ZNF600: variants seen among roughly 807,000 people sequenced by gnomAD.
ZNF600 encodes zinc finger protein KR-ZNF1.
ZNF600 carries 4 observed loss-of-function variants against 7.3 expected under a neutral mutation model. That is an observed-to-expected ratio of 0.55 (90% CI 0.27 to 1.25). The LOEUF (loss-of-function observed/expected upper bound fraction) is 1.25, where lower values mean the gene tolerates loss of function less well. ZNF600 is among the 50% of genes most tolerant of loss of function. The probability of loss-of-function intolerance (pLI) is 0.12; values close to 1 mark genes in which losing one functional copy is unlikely to be tolerated. For missense variants in ZNF600, 911 were observed against 922.1 expected (o/e 0.99, Z 0.16); for synonymous variants, 290 against 308.9 (o/e 0.94, Z 0.64).
chr19:52,786,786 A>G, exon 1 of ZNF600: 1 of 367,586 alleles, frequency 2.7e-6, no homozygotes, highest in Non-Finnish European at 5.7e-6. Context: ...GTGCGCGCCC[A>G]GGACTGAAGC....
the ZNF600 span, chr19:52,809,796 A>C: frequency 4.0e-6 from 2 of 506,214 alleles, no homozygotes; most frequent in East Asian, 3.4e-5. Context: ...CAGAGCGAAA[A>C]AAAAGGAGCC....
At chr19:52,826,932 A>G in the ZNF600 span, among the ~76,000 whole-genome samples, 2 of 152,112 alleles carry the variant, frequency 1.3e-5, no homozygotes, top group African/African-American at 4.8e-5. Flanking sequence ...TGGCTGTCTC[A>G]TATCTGTTAT....
At chr19:52,779,050 A>C in intron 1 of ZNF600, 143 bp from the exon 4 acceptor site, 1 of 712,238 alleles carries the variant, frequency 1.4e-6, no homozygotes. Flanking sequence ...AGAGATAAGA[A>C]AGTCCCACAG....
chr19:52,830,040 G>A, the ZNF600 span, among the ~76,000 whole-genome samples: 3,432 of 55,892 alleles, frequency 0.061, 131 homozygotes, highest in African/African-American at 0.12. Flanking sequence ...TTGGAAGACC[G>A]CAGTGGGTGG....
chr19:52,810,614 C>G, the ZNF600 span: 2 of 1,472,636 alleles, frequency 1.4e-6, no homozygotes, highest in South Asian at 1.1e-5. Context: ...TACAGCAGTT[C>G]CTGCTCTCCA....
chr19:52,779,401 G>A (rs1600393459), intron 1 of ZNF600, among the ~76,000 whole-genome samples: 1 of 152,220 alleles, frequency 6.6e-6, no homozygotes, highest in Non-Finnish European at 1.5e-5. Context: ...AATGCCTCTA[G>A]ACTCTAATGT....
At chr19:52,769,050 T>C (rs1203823491) in intron 3 of ZNF600, among the ~76,000 whole-genome samples, 1 of 152,196 alleles carries the variant, frequency 6.6e-6, no homozygotes, top group Admixed American at 6.5e-5. Context: ...AGAGGACTCC[T>C]TGGTCTGGCA....
At chr19:52,818,981 T>C in the ZNF600 span, among the ~76,000 whole-genome samples, 1 of 138,448 alleles carries the variant, frequency 7.2e-6, no homozygotes, top group Non-Finnish European at 1.5e-5. Context: ...AGAGGGAACT[T>C]CAGATGGGGG....
chr19:52,821,221 G>T, the ZNF600 span, among the ~76,000 whole-genome samples: 1 of 152,128 alleles, frequency 6.6e-6, no homozygotes, highest in Non-Finnish European at 1.5e-5. Context: ...GGGTCGCCGC[G>T]CTGTGCTCCA....
chr19:52,793,265 CAT>C, the ZNF600 span, among the ~76,000 whole-genome samples: 8 of 152,238 alleles, frequency 5.3e-5, no homozygotes, highest in South Asian at 1.0e-3. Context: ...ACCTTGGGCA[CAT>C]GTCATCAGGA....
At chr19:52,798,995 G>T in the ZNF600 span, 1 of 943,706 alleles carries the variant, frequency 1.1e-6, no homozygotes, top group Non-Finnish European at 1.6e-6. Context: ...ACTCCCAAAA[G>T]CCTTGTTACA....
At chr19:52,808,062 C>T in the ZNF600 span, 3 of 1,613,468 alleles carry the variant, frequency 1.9e-6, no homozygotes, top group Admixed American at 1.7e-5. Flanking sequence ...AAAGAGTCCT[C>T]TGAGCAGGGT....
chr19:52,828,067 T>C, the ZNF600 span, among the ~76,000 whole-genome samples: 4 of 152,182 alleles, frequency 2.6e-5, no homozygotes, highest in African/African-American at 9.6e-5. Context: ...TTTTTATTTT[T>C]TTGAGACAAA....
At chr19:52,766,206 C>G in exon 4 of ZNF600, 1 of 1,613,472 alleles carries the variant, frequency 6.2e-7, no homozygotes, top group South Asian at 1.1e-5. Flanking sequence ...ATGAACTCTG[C>G]GATGGCTTGC....
In ZNF600 at chr19:52,767,178, TCA is replaced by T. The variant is rs753137690; in HGVS notation, c.783_784del (p.Cys261Ter). Reference sequence around the variant, plus strand: ...GTGATTAAAGAGCTTGCCACATACATCACATTTATATTGTTTGTCTCCTAAAT... The same window carrying T: ...GTGATTAAAGAGCTTGCCACATACATCATTTATATTGTTTGTCTCCTAAAT... On this transcript the variant is annotated stop_gained and frameshift_variant, in exon 4 of 4. Coordinates refer to ENST00000648973, the Ensembl canonical transcript of ZNF600. LOFTEE classifies it low-confidence loss of function (END_TRUNC). The T allele has an allele frequency of 1.2e-6, 2 of 1,614,178 alleles. No individual in the cohort carries two copies. The highest frequency in any genetic ancestry group is 8.5e-7 in the Non-Finnish European group (1 of 1,180,014).
chr19:52,790,937 TC>T (rs1333877704), upstream of ZNF600, among the ~76,000 whole-genome samples: 1 of 151,952 alleles, frequency 6.6e-6, no homozygotes, highest in Non-Finnish European at 1.5e-5. Context: ...CACCTTGGAC[TC>T]CCAAAATGCT....
At chr19:52,764,518 CT>C (rs765918553), downstream of ZNF600, 2,936 of 126,532 alleles carry the variant, frequency 0.023, 68 homozygotes, top group African/African-American at 0.067. Context: ...CTTTGATATC[CT>C]TTTTTTTTTT....
chr19:52,809,837 C>CGGTGGCGGT, the ZNF600 span: 169 of 554,008 alleles, frequency 3.1e-4, no homozygotes, highest in African/African-American at 9.3e-4. Flanking sequence ...GCGGCGGCGG[C>CGGTGGCGGT]GGTGGCGGTG....
chr19:52,796,005 T>C, the ZNF600 span, among the ~76,000 whole-genome samples: 22 of 152,070 alleles, frequency 1.4e-4, no homozygotes, highest in Non-Finnish European at 2.2e-4. Flanking sequence ...TGAAAGCCCA[T>C]CTCTACTAGG....
Sources: gnomAD v4.1 joint callset for allele counts (sites outside exome capture counted in the v4.1 genomes callset) on GRCh38, gnomAD v4.1.1 for gene constraint, MANE v1.5 for transcripts, NCBI Gene and HGNC (gene_info 2026-07-23, HGNC 2026-07-21) for gene names.